The following ELMO1 variants were observed in gnomAD, a reference collection of about 807,000 sequenced individuals.
ELMO1 encodes the protein engulfment and cell motility 1, also known as engulfment and cell motility protein 1.
In ELMO1, 26 loss-of-function variants were observed where a neutral mutation model predicts 98.9. That is an observed-to-expected ratio of 0.26 (90% CI 0.19 to 0.36). ELMO1 has a LOEUF of 0.36. Among genes scored for constraint, ELMO1 ranks in the 10% least tolerant of loss-of-function variants. The pLI, the probability that ELMO1 is intolerant of heterozygous loss-of-function variation, is 1.00. For missense variants in ELMO1, 627 were observed against 935.2 expected, an observed-to-expected ratio of 0.67 and a Z score of 4.30; for synonymous variants, 346 against 346.0, an observed-to-expected ratio of 1.00 and a Z score of 0.00.
At chr7:37,250,791 C>CA (rs574487076) in intron 6 of ELMO1, among the ~76,000 whole-genome samples, 8,133 of 64,240 alleles carry the variant, frequency 0.13, 394 homozygotes, top group Middle Eastern at 0.23. Context: ...GACTCCGTCT[C>CA]AAAAAAAAAA....
chr7:36,865,247 T>C (rs1166280359), intron 20 of ELMO1, among the ~76,000 whole-genome samples: 2 of 152,168 alleles, frequency 1.3e-5, no homozygotes, highest in Non-Finnish European at 2.9e-5. Context: ...ATCATGAGGG[T>C]AAAACCTTTT....
chr7:37,218,112 A>G (rs900895643), intron 10 of ELMO1, among the ~76,000 whole-genome samples: 7 of 152,210 alleles, frequency 4.6e-5, no homozygotes, highest in African/African-American at 1.7e-4. Context: ...TGTTTCTCCT[A>G]GACCAGATGA....
intron 4 of ELMO1, among the ~76,000 whole-genome samples, chr7:37,272,345 C>T (rs925010909): frequency 1.3e-5 from 2 of 152,094 alleles, no homozygotes; most frequent in African/African-American, 4.8e-5. Context: ...GTGGTCTATC[C>T]GTTCCACAGA....
At chr7:36,980,892 A>G (rs1180523351) in intron 16 of ELMO1, among the ~76,000 whole-genome samples, 1 of 152,106 alleles carries the variant, frequency 6.6e-6, no homozygotes, top group African/African-American at 2.4e-5. Flanking sequence ...TTGTTCCACC[A>G]GTGTTGCTTC....
chr7:37,400,363 G>A (rs1470331035), intron 1 of ELMO1, among the ~76,000 whole-genome samples: 2 of 151,954 alleles, frequency 1.3e-5, no homozygotes, highest in African/African-American at 2.4e-5. Flanking sequence ...AGCCACTGGA[G>A]TTATTTCAAA....
At chr7:37,253,098 G>A (rs937352271) in intron 6 of ELMO1, among the ~76,000 whole-genome samples, 12 of 152,208 alleles carry the variant, frequency 7.9e-5, no homozygotes, top group Non-Finnish European at 1.8e-4. Flanking sequence ...AGAGGATGTG[G>A]AGAAATGGGA....
chr7:36,964,175 T>C (rs1789206141), intron 16 of ELMO1, among the ~76,000 whole-genome samples: 1 of 152,226 alleles, frequency 6.6e-6, no homozygotes, highest in Non-Finnish European at 1.5e-5. Flanking sequence ...TGAATTATTG[T>C]ATATGACTCA....
intron 1 of ELMO1, among the ~76,000 whole-genome samples, chr7:37,367,959 A>T (rs1052065913): frequency 2.0e-5 from 3 of 152,196 alleles, no homozygotes; most frequent in Admixed American, 2.0e-4. Context: ...GCCAAACAGG[A>T]CCAATACACA....
At chr7:37,393,465 T>C (rs1803167374) in intron 1 of ELMO1, among the ~76,000 whole-genome samples, 1 of 152,220 alleles carries the variant, frequency 6.6e-6, no homozygotes. Context: ...TTATAGTACA[T>C]TATTTAAAAA....
At chr7:37,049,756 C>T (rs1795997006) in intron 15 of ELMO1, among the ~76,000 whole-genome samples, 1 of 151,202 alleles carries the variant, frequency 6.6e-6, no homozygotes, top group Non-Finnish European at 1.5e-5. Flanking sequence ...TAAAAATTTA[C>T]TCCCCAGTTT....
At chr7:37,211,745 T>C (rs1792986990) in intron 12 of ELMO1, among the ~76,000 whole-genome samples, 3 of 152,196 alleles carry the variant, frequency 2.0e-5, no homozygotes, top group African/African-American at 7.2e-5. Flanking sequence ...GTGGTCCTCT[T>C]AGCCAAGTAG....
chr7:36,861,676 C>T lies in ELMO1; in HGVS notation c.1966G>A (p.Ala656Thr). ...YDSNCQLNFIAPDKHEYCIWT... is the reference protein window; with the variant it reads ...YDSNCQLNFITPDKHEYCIWT... Reference sequence around the variant, plus strand: ...ACCCTTACCTCATGCTTGTCAGGAGCGATGAAGTTCAGTTGGCAGTTTGAG... The same window carrying T: ...ACCCTTACCTCATGCTTGTCAGGAGTGATGAAGTTCAGTTGGCAGTTTGAG... Residue 656 changes from alanine (A) to threonine (T), a missense_variant, in exon 21 of 22, where the codon GCT (alanine) becomes ACT (threonine). Physicochemically the swap from Ala to Thr is moderately conservative, Grantham distance 58. Around this residue, in one of 3 missense-constraint regions of ELMO1, gnomAD observed 492 missense variants for 715.6 expected, o/e 0.69. Transcript: ENST00000310758. The T allele has an allele frequency of 6.2e-7, 1 of 1,611,818 alleles. No homozygotes were observed. The highest frequency in any genetic ancestry group is 8.5e-7 in the Non-Finnish European group (1 of 1,179,508).
chr7:36,958,826 C>A (rs1321261010), intron 16 of ELMO1, among the ~76,000 whole-genome samples: 5 of 151,858 alleles, frequency 3.3e-5, no homozygotes, highest in Non-Finnish European at 7.4e-5. Flanking sequence ...TGGACCCCTT[C>A]CCTGTCTCCA....
intron 21 of ELMO1, 107 bp downstream of exon 21, chr7:36,861,552 C>T (rs1802629015): frequency 3.8e-6 from 5 of 1,310,770 alleles, no homozygotes; most frequent in Non-Finnish European, 5.3e-6. Context: ...CCCCTTGGTT[C>T]ATCATTTTTT....
At chr7:37,177,843 T>C (rs1323869660) in intron 13 of ELMO1, among the ~76,000 whole-genome samples, 1 of 152,208 alleles carries the variant, frequency 6.6e-6, no homozygotes, top group Non-Finnish European at 1.5e-5. Context: ...TATGTTACTC[T>C]TTGTATTTGA....
intron 20 of ELMO1, among the ~76,000 whole-genome samples, chr7:36,864,092 C>T (rs1029233545): frequency 6.6e-6 from 1 of 152,062 alleles, no homozygotes; most frequent in Non-Finnish European, 1.5e-5. Context: ...TTGGGCTGAC[C>T]CTGGGTGACA....
At chr7:37,016,246 G>A (rs1255800667) in intron 15 of ELMO1, among the ~76,000 whole-genome samples, 1 of 152,114 alleles carries the variant, frequency 6.6e-6, no homozygotes, top group Non-Finnish European at 1.5e-5. Flanking sequence ...AGAGGGAAGT[G>A]ACATCATTAA....
chr7:37,084,316 T>A (rs1783645421), intron 15 of ELMO1, among the ~76,000 whole-genome samples: 2 of 152,218 alleles, frequency 1.3e-5, no homozygotes. Flanking sequence ...CTGAAGAATA[T>A]TTTTGGAACT....
chr7:37,305,263 T>C (rs1798550325), intron 4 of ELMO1, among the ~76,000 whole-genome samples: 1 of 152,228 alleles, frequency 6.6e-6, no homozygotes, highest in South Asian at 2.1e-4. Context: ...CACCATTTGG[T>C]TCTTAGAGGA....
Sources: gnomAD v4.1 joint callset for allele counts (sites outside exome capture counted in the v4.1 genomes callset) on GRCh38, gnomAD v4.1.1 for gene constraint, gnomAD v4.1.1 regional missense constraint, MANE v1.5 for transcripts, NCBI Gene and HGNC (gene_info 2026-07-23, HGNC 2026-07-21) for gene names.